Variants in GSG1L observed in about 807,000 individuals in gnomAD.
The protein encoded by GSG1L is GSG1 like.
In GSG1L, 24 loss-of-function variants were observed where a neutral mutation model predicts 42.1. The ratio of observed to expected loss-of-function variants is 0.57; its 90% CI spans 0.41 to 0.80. The LOEUF (loss-of-function observed/expected upper bound fraction) is 0.80, where lower values mean the gene tolerates loss of function less well. GSG1L is among the 30% of genes least tolerant of loss of function. The probability of loss-of-function intolerance (pLI) is 0.00; values close to 1 mark genes in which losing one functional copy is unlikely to be tolerated. For missense variants in GSG1L, 445 were observed against 472.2 expected, an observed-to-expected ratio of 0.94 and a Z score of 0.53; for synonymous variants, 215 against 203.5, an observed-to-expected ratio of 1.06 and a Z score of -0.48.
At chr16:27,880,630 GC>G (rs1256366424) in intron 3 of GSG1L, among the ~76,000 whole-genome samples, 15 of 152,222 alleles carry the variant, frequency 9.9e-5, no homozygotes, top group African/African-American at 3.1e-4. Flanking sequence ...AGGAAACCTG[GC>G]TTGGTTTATT....
chr16:28,024,214 T>C (rs1244237381), intron 1 of GSG1L, among the ~76,000 whole-genome samples: 1 of 151,912 alleles, frequency 6.6e-6, no homozygotes, highest in African/African-American at 2.4e-5. Context: ...GCCCCCAGGG[T>C]TCACAACCAG....
At chr16:27,873,115 A>G (rs1417781468) in intron 3 of GSG1L, among the ~76,000 whole-genome samples, 1 of 152,250 alleles carries the variant, frequency 6.6e-6, no homozygotes, top group Non-Finnish European at 1.5e-5. Context: ...AGCGCTGGAC[A>G]GAGGTCATGT....
At chr16:27,851,239 C>T (rs552282875) in intron 3 of GSG1L, among the ~76,000 whole-genome samples, 1 of 152,116 alleles carries the variant, frequency 6.6e-6, no homozygotes, top group East Asian at 1.9e-4. Flanking sequence ...CTCTGTTGCC[C>T]GGGCTGGAGT....
intron 1 of GSG1L, among the ~76,000 whole-genome samples, chr16:28,038,838 C>T (rs1300270262): frequency 2.0e-5 from 3 of 152,244 alleles, no homozygotes; most frequent in South Asian, 2.1e-4. Context: ...ATAATGATCC[C>T]GCTGCACATT....
intron 3 of GSG1L, among the ~76,000 whole-genome samples, chr16:27,857,832 G>A (rs930802974): frequency 6.6e-6 from 1 of 151,506 alleles, no homozygotes; most frequent in African/African-American, 2.4e-5. Flanking sequence ...GTGACAAGCA[G>A]GAATAGTCAC....
rs1406964010 is a variant in GSG1L at position 28,063,214 on chromosome 16, C to T, written c.211G>A (p.Ala71Thr). The T allele has an allele frequency of 7.9e-6, 10 of 1,260,908 alleles. No homozygotes were observed. The highest frequency in any genetic ancestry group is 8.9e-6 in the Non-Finnish European group (9 of 1,007,320). The allele number at this position is 1,260,908 out of a possible 1,614,324, so 78.1% of individuals were successfully genotyped here. A position where few individuals can be genotyped will look rare whatever the true frequency, so the allele number is the denominator to read the frequency against. ...TTCCCCGAGGCGGTGGCGGCGGCGG[C>T]GGCGGCGGCGGGGGCGGCGGTGCCG... ...ANGTAAPAAA[A>T]AAATASGNGP... Residue 71 changes from alanine to threonine, a missense_variant, in exon 1 of 7, where the codon GCC becomes ACC. Coordinates refer to ENST00000447459, the MANE Select transcript of GSG1L (RefSeq NM_001109763.2). This position sits in a 1 kb window ranked among gnomAD's most constrained non-coding sequence, Gnocchi z 5.8.
rs1346181263 is a variant in GSG1L, at chr16:27,828,208, C to T, written c.830+581G>A. 2.0e-5 allele frequency among the ~76,000 whole-genome samples: 3 copies of T among 151,604 alleles called. No individual in the cohort carries two copies. The South Asian group carries it at 6.3e-4, about 32-fold the overall frequency. ...GTCTATCCATCTACCCATCCACTCA[C>T]TCTCCTATTGATCCATCCATTCATC... On this transcript the variant is annotated intron_variant, in intron 5 of 6. Transcript: ENST00000447459.
intron 6 of GSG1L, among the ~76,000 whole-genome samples, chr16:27,799,332 G>A (rs913995411): frequency 1.3e-5 from 2 of 151,628 alleles, no homozygotes; most frequent in African/African-American, 2.4e-5. Flanking sequence ...CCAGGAGTTC[G>A]AGACCAGCCT....
In GSG1L at chr16:27,971,399, T is replaced by G. The variant is rs80210693; in HGVS notation, c.350-8196A>C. 7.8e-3 allele frequency among the ~76,000 whole-genome samples: 1,154 copies of G among 147,902 alleles called. 14 individuals carry two copies. The highest frequency in any genetic ancestry group is 0.027 in the African/African-American group (1,074 of 39,814). On this transcript the variant is annotated intron_variant, in intron 1 of 6. Transcript: ENST00000447459. ...ATTTATTCCTAAGTATTTTATAATT[T>G]TTGATGCTATTATGAATGGAATTGT...
chr16:27,915,284 C>A (rs1286419863), intron 2 of GSG1L, among the ~76,000 whole-genome samples: 2 of 146,768 alleles, frequency 1.4e-5, no homozygotes, highest in South Asian at 2.2e-4. Context: ...GAGGGAGGGG[C>A]AGGGTGGGGG....
intron 3 of GSG1L, among the ~76,000 whole-genome samples, chr16:27,855,577 AG>A (rs1224309023): frequency 6.6e-6 from 1 of 151,982 alleles, no homozygotes; most frequent in Non-Finnish European, 1.5e-5. Flanking sequence ...AATATTAGCC[AG>A]GTGTGGTAGC....
At position 28,015,614 on chromosome 16, in the gene GSG1L, G is replaced by T. The variant is rs144692297; in HGVS notation, c.349+47462C>A. ...AGGACACAGTCTATCCTGCTATAAG[G>T]CAGGCTCCTTTGACCCAGGTTACCT... On this transcript the variant is annotated intron_variant, in intron 1 of 6. Coordinates refer to ENST00000447459, the MANE Select transcript of GSG1L (RefSeq NM_001109763.2). Among the ~76,000 whole-genome samples, 272 of 152,340 alleles carry T rather than the reference G, an allele frequency of 1.8e-3. 1 individual carries two copies. The highest frequency in any genetic ancestry group is 0.013 in the Admixed American group (194 of 15,306).
chr16:27,865,570 TATACA>T (rs2083710941), intron 3 of GSG1L, among the ~76,000 whole-genome samples: 1 of 12,522 alleles, frequency 8.0e-5, no homozygotes, highest in Non-Finnish European at 1.4e-4. Context: ...TATATATATA[TATACA>T]CACACACATA....
At chr16:27,885,276 C>T (rs1270604574) in intron 2 of GSG1L, among the ~76,000 whole-genome samples, 3 of 151,896 alleles carry the variant, frequency 2.0e-5, no homozygotes, top group East Asian at 1.9e-4. Flanking sequence ...CAGCCTCTCA[C>T]GTAGATGGAA....
intron 2 of GSG1L, among the ~76,000 whole-genome samples, chr16:27,891,678 G>C (rs1226764814): frequency 6.6e-6 from 1 of 151,772 alleles, no homozygotes; most frequent in African/African-American, 2.4e-5. Context: ...TCACTATGTT[G>C]CTCAGGCTGG....
At chr16:27,948,612 T>C (rs949551230) in intron 2 of GSG1L, among the ~76,000 whole-genome samples, 16 of 138,994 alleles carry the variant, frequency 1.2e-4, no homozygotes, top group South Asian at 4.4e-4. Flanking sequence ...TCTTCTTCTT[T>C]TTTTTTTTTT....
rs1216136001 is a variant in GSG1L, at chr16:28,040,943, T to C, written c.349+22133A>G. Among the ~76,000 whole-genome samples the C allele has an allele frequency of 6.6e-6, 1 of 152,234 alleles. No individual in the cohort carries two copies. Among genetic ancestry groups the C allele is most frequent in the Non-Finnish European group, 1.5e-5 (1 of 68,036 alleles). Reference sequence around the variant, plus strand: ...TGCTGTGCACTGAGCCTGTGCCAAGTGCTAGGGTGAGGACTGCACCTCCGT... The same window carrying C: ...TGCTGTGCACTGAGCCTGTGCCAAGCGCTAGGGTGAGGACTGCACCTCCGT... On this transcript the variant is annotated intron_variant, in intron 1 of 6. Coordinates refer to ENST00000447459, the MANE Select transcript of GSG1L (RefSeq NM_001109763.2). The surrounding 1 kb of genome is among the most constrained non-coding windows in gnomAD (Gnocchi z 4.1).
At chr16:28,004,285 C>T (rs1186788646) in intron 1 of GSG1L, among the ~76,000 whole-genome samples, 1 of 152,118 alleles carries the variant, frequency 6.6e-6, no homozygotes, top group African/African-American at 2.4e-5. Context: ...GCATCTGGGC[C>T]TTGGTCTATC....
At chr16:27,868,600 A>G (rs2083761865) in intron 3 of GSG1L, among the ~76,000 whole-genome samples, 1 of 152,176 alleles carries the variant, frequency 6.6e-6, no homozygotes, top group South Asian at 2.1e-4. Context: ...GCTGTAAAAA[A>G]AAAAAAAGAT....
Sources: gnomAD v4.1 joint callset for allele counts (sites outside exome capture counted in the v4.1 genomes callset) on GRCh38, gnomAD v4.1.1 for gene constraint, Gnocchi (gnomAD v3.1) non-coding constraint, MANE v1.5 for transcripts, NCBI Gene and HGNC (gene_info 2026-07-23, HGNC 2026-07-21) for gene names.